NLGN4X: variants seen among roughly 807,000 people sequenced by gnomAD.
NLGN4X encodes the protein neuroligin-4, X-linked.
A neutral mutation model predicts 40.3 loss-of-function variants in NLGN4X; 3 were observed. That is an observed-to-expected ratio of 0.07 (90% CI 0.03 to 0.19). The LOEUF is 0.19. NLGN4X is among the 10% of genes least tolerant of loss of function. The pLI is 1.00. For synonymous variants in NLGN4X, 270 were observed against 306.8 expected (o/e 0.88, Z 1.25); for missense variants, 382 against 708.3 (o/e 0.54, Z 5.23).
At chrX:5,913,946 C>G (rs978283199) in intron 3 of NLGN4X, among the ~76,000 whole-genome samples, 2 of 111,870 alleles carry the variant, frequency 1.8e-5, no homozygotes, top group African/African-American at 6.5e-5. Context: ...TCTTGCCTGC[C>G]ACCATGTAAG....
chrX:5,952,743 G>A (rs2034356605), intron 3 of NLGN4X, among the ~76,000 whole-genome samples: 1 of 111,130 alleles, frequency 9.0e-6, no homozygotes, highest in African/African-American at 3.3e-5. Context: ...CTGGCTGGCT[G>A]GCTGGCAACT....
At chrX:5,971,250 T>A (rs894602944) in intron 3 of NLGN4X, among the ~76,000 whole-genome samples, 1 of 110,864 alleles carries the variant, frequency 9.0e-6, no homozygotes, top group Admixed American at 9.7e-5. Context: ...TTACCCTCCC[T>A]GGGTACCAGT....
intron 1 of NLGN4X, among the ~76,000 whole-genome samples, chrX:6,167,748 G>T (rs1257136401): frequency 2.7e-5 from 3 of 111,623 alleles, no homozygotes; most frequent in Non-Finnish European, 5.6e-5. Context: ...AGAAAAAATA[G>T]GATGAAAGGA....
intron 2 of NLGN4X, among the ~76,000 whole-genome samples, chrX:6,143,414 G>T (rs1032005932): frequency 7.1e-5 from 8 of 112,296 alleles, no homozygotes; most frequent in Non-Finnish European, 1.5e-4. Context: ...GGAACACAGA[G>T]GATTTTGTCA....
chrX:5,973,992 T>C (rs1427903596), intron 3 of NLGN4X, among the ~76,000 whole-genome samples: 1 of 111,966 alleles, frequency 8.9e-6, no homozygotes, highest in Non-Finnish European at 1.9e-5. Context: ...GGTGGATGTC[T>C]ATGTGTCAAA....
chrX:5,941,131 CAAAAAA>C (rs5901305), intron 3 of NLGN4X, among the ~76,000 whole-genome samples: 5 of 50,771 alleles, frequency 9.8e-5, no homozygotes, highest in African/African-American at 4.7e-4. Context: ...CTCCCTCCTA[CAAAAAA>C]AAAAAAAAAA....
At chrX:6,114,056 G>A (rs2039214937) in intron 2 of NLGN4X, among the ~76,000 whole-genome samples, 1 of 111,603 alleles carries the variant, frequency 9.0e-6, no homozygotes, top group South Asian at 3.8e-4. Context: ...CCTACCTCAA[G>A]TGATCCACCC....
At chrX:6,221,391 T>TTATATATATATATATATATATA (rs60897428) in intron 1 of NLGN4X, among the ~76,000 whole-genome samples, 1 of 53,374 alleles carries the variant, frequency 1.9e-5, no homozygotes, top group Admixed American at 2.6e-4. Context: ...CCTTCTTATA[T>TTATATATATATATATATATATA]TATATATATA....
chrX:6,109,018 T>C (rs1437299658), intron 2 of NLGN4X, among the ~76,000 whole-genome samples: 1 of 112,141 alleles, frequency 8.9e-6, no homozygotes, highest in Non-Finnish European at 1.9e-5. Context: ...TCCCAGCACT[T>C]TGGAAGGCCA....
chrX:6,029,606 T>C (rs768096663), intron 2 of NLGN4X, among the ~76,000 whole-genome samples, 174 bp from the exon 3 acceptor site: 4 of 111,978 alleles, frequency 3.6e-5, no homozygotes, highest in Non-Finnish European at 7.5e-5. Context: ...TGATCAATGC[T>C]ATTACGTTTT....
chrX:6,093,607 A>G (rs1174841794), intron 2 of NLGN4X, among the ~76,000 whole-genome samples: 1 of 111,972 alleles, frequency 8.9e-6, no homozygotes, highest in Non-Finnish European at 1.9e-5. Flanking sequence ...TGCAATTACT[A>G]GACTGAAACT....
chrX:6,006,027 T>A (rs1456158809), intron 3 of NLGN4X, among the ~76,000 whole-genome samples: 2 of 111,691 alleles, frequency 1.8e-5, no homozygotes, highest in Non-Finnish European at 3.8e-5. Context: ...GCTATCCACA[T>A]TAAAGGAAAT....
intron 1 of NLGN4X, among the ~76,000 whole-genome samples, chrX:6,192,290 G>T (rs1039071648): frequency 9.0e-6 from 1 of 110,627 alleles, no homozygotes; most frequent in South Asian, 3.9e-4. Context: ...ACCATGTCTG[G>T]CTAATTTTTA....
intron 5 of NLGN4X, 23 bp downstream of exon 5, chrX:5,903,054 C>T (rs2031967300): frequency 8.3e-7 from 1 of 1,208,666 alleles, no homozygotes; most frequent in African/African-American, 1.7e-5. Flanking sequence ...GATAGTGATA[C>T]CCCAACACGA....
At chrX:6,024,028 A>G (rs2036619526) in intron 3 of NLGN4X, among the ~76,000 whole-genome samples, 1 of 112,251 alleles carries the variant, frequency 8.9e-6, no homozygotes, top group African/African-American at 3.2e-5. Flanking sequence ...GGAGAACTCA[A>G]GTTATACTAA....
At chrX:5,946,178 C>T (rs1026432689) in intron 3 of NLGN4X, among the ~76,000 whole-genome samples, 17 of 111,132 alleles carry the variant, frequency 1.5e-4, no homozygotes, top group African/African-American at 4.6e-4. Context: ...GGCCTCTGTC[C>T]TCTAGATGCA....
intron 2 of NLGN4X, among the ~76,000 whole-genome samples, chrX:6,079,817 T>G (rs1859356962): frequency 8.9e-6 from 1 of 111,967 alleles, no homozygotes; most frequent in African/African-American, 3.2e-5. Flanking sequence ...TATTTATATT[T>G]ACTGAGGAGA....
chrX:6,068,072 C>A (rs962822528), intron 2 of NLGN4X, among the ~76,000 whole-genome samples: 20 of 111,771 alleles, frequency 1.8e-4, no homozygotes, highest in Non-Finnish European at 3.2e-4. Context: ...AATGCTATCT[C>A]TAATTAAATC....
chrX:6,219,507 C>T (rs1477654630), intron 1 of NLGN4X, among the ~76,000 whole-genome samples: 1 of 103,760 alleles, frequency 9.6e-6, no homozygotes, highest in Non-Finnish European at 2.0e-5. Flanking sequence ...TCATCCTTCT[C>T]CCTCCCTCCC....
Sources: allele counts gnomAD v4.1 joint callset (sites outside exome capture counted in the v4.1 genomes callset), GRCh38; gene constraint gnomAD v4.1.1; transcripts MANE v1.5; gene names NCBI Gene and HGNC (gene_info 2026-07-23, HGNC 2026-07-21).